The following CMTM8 variants were observed in gnomAD, a reference collection of about 807,000 sequenced individuals.
The protein encoded by CMTM8 is CKLF-like MARVEL transmembrane domain-containing protein 8.
CMTM8 carries 12 observed loss-of-function variants against 18.6 expected under a neutral mutation model. The ratio of observed to expected loss-of-function variants is 0.65; its 90% CI spans 0.41 to 1.05. The LOEUF (loss-of-function observed/expected upper bound fraction) is 1.05. Ranked by LOEUF, CMTM8 falls within the 50% of genes least tolerant of loss-of-function variation. The probability of loss-of-function intolerance (pLI) is 0.00; values close to 1 mark genes in which losing one functional copy is unlikely to be tolerated. For synonymous variants in CMTM8, 87 were observed against 90.6 expected (o/e 0.96, Z 0.23); for missense variants, 217 against 227.2 (o/e 0.95, Z 0.29).
intron 1 of CMTM8, among the ~76,000 whole-genome samples, chr3:32,338,369 C>T (rs1696428786): frequency 6.6e-6 from 1 of 152,136 alleles, no homozygotes; most frequent in African/African-American, 2.4e-5. Flanking sequence ...AGGCATGGGA[C>T]ACCTCCCATT....
intron 1 of CMTM8, among the ~76,000 whole-genome samples, chr3:32,305,821 C>T (rs1695705002): frequency 6.6e-6 from 1 of 152,170 alleles, no homozygotes; most frequent in African/African-American, 2.4e-5. Flanking sequence ...TTAAATATAA[C>T]AGAAATCTTT....
intron 2 of CMTM8, among the ~76,000 whole-genome samples, chr3:32,361,288 T>TTTTTTTTTGTTTTTTG (rs1278506563): frequency 6.8e-6 from 1 of 147,206 alleles, no homozygotes; most frequent in Non-Finnish European, 1.5e-5. Flanking sequence ...GCCTAAGAGT[T>TTTTTTTTTGTTTTTTG]TTTTTTTCTT....
intron 1 of CMTM8, among the ~76,000 whole-genome samples, chr3:32,269,453 G>A (rs1702401680): frequency 6.6e-6 from 1 of 152,218 alleles, no homozygotes; most frequent in Admixed American, 6.5e-5. Flanking sequence ...TCCCTGGGAA[G>A]CTAATGTCAG....
intron 1 of CMTM8, among the ~76,000 whole-genome samples, chr3:32,308,555 G>A (rs1017340681): frequency 6.6e-6 from 1 of 152,082 alleles, no homozygotes; most frequent in Non-Finnish European, 1.5e-5. Flanking sequence ...CTCTATCATC[G>A]TTCATGAGTT....
Position 32,267,349 on chromosome 3 carries a change from GA to G in CMTM8, c.147+28233del, listed in dbSNP as rs1559365616. On this transcript the variant is annotated intron_variant, in intron 1 of 3. Transcript: ENST00000307526. Reference sequence around the variant, plus strand: ...AAACCTGACAAAAACAAGAAATGGGGAAAGGATTCCCTATTTAATAAATGGT... The same window carrying G: ...AAACCTGACAAAAACAAGAAATGGGGAAGGATTCCCTATTTAATAAATGGT... 2.6e-5 allele frequency among the ~76,000 whole-genome samples: 4 copies of G among 152,286 alleles called. No individual in the cohort carries two copies. The East Asian group carries it at 7.7e-4, about 29-fold the overall frequency.
intron 3 of CMTM8, among the ~76,000 whole-genome samples, chr3:32,369,152 T>C (rs1460717684): frequency 8.0e-6 from 1 of 125,498 alleles, no homozygotes; most frequent in Non-Finnish European, 1.7e-5. Flanking sequence ...CTACTAAAAA[T>C]ACAAAAAAAA....
At chr3:32,268,559 G>T (rs939647628) in intron 1 of CMTM8, among the ~76,000 whole-genome samples, 20 of 147,578 alleles carry the variant, frequency 1.4e-4, no homozygotes, top group Admixed American at 4.8e-4. Flanking sequence ...AAACTTGCAC[G>T]TTGTGCACAT....
At chr3:32,282,102 C>G (rs1463374579) in intron 1 of CMTM8, among the ~76,000 whole-genome samples, 1 of 152,198 alleles carries the variant, frequency 6.6e-6, no homozygotes, top group Non-Finnish European at 1.5e-5. Context: ...TATCTGCCCA[C>G]TCACCATCTC....
intron 1 of CMTM8, chr3:32,259,373 G>A: frequency 1.2e-6 from 1 of 822,840 alleles, no homozygotes; most frequent in Non-Finnish European, 2.1e-6. Context: ...AAATACTGTG[G>A]ACAATGCCCG....
intron 1 of CMTM8, among the ~76,000 whole-genome samples, chr3:32,303,638 G>C (rs976684119): frequency 6.6e-6 from 1 of 151,046 alleles, no homozygotes; most frequent in African/African-American, 2.4e-5. Context: ...CCTCCCAACT[G>C]TAATTTTGAA....
At chr3:32,316,096 G>A (rs773563506) in intron 1 of CMTM8, among the ~76,000 whole-genome samples, 2 of 134,114 alleles carry the variant, frequency 1.5e-5, no homozygotes, top group African/African-American at 2.7e-5. Context: ...GCGCGATCTC[G>A]GCTCACTGCA....
chr3:32,303,098 G>T (rs1010952549), intron 1 of CMTM8, among the ~76,000 whole-genome samples: 1 of 152,154 alleles, frequency 6.6e-6, no homozygotes, highest in Non-Finnish European at 1.5e-5. Context: ...TAAATTGAGT[G>T]TCCAAATTGC....
At chr3:32,323,948 A>G (rs1002850882) in intron 1 of CMTM8, among the ~76,000 whole-genome samples, 1 of 152,222 alleles carries the variant, frequency 6.6e-6, no homozygotes, top group Non-Finnish European at 1.5e-5. Flanking sequence ...GATGCAGGCC[A>G]GGGCCAAAAC....
intron 1 of CMTM8, among the ~76,000 whole-genome samples, chr3:32,296,077 G>A (rs945132574): frequency 1.3e-5 from 2 of 152,004 alleles, no homozygotes; most frequent in Admixed American, 6.6e-5. Flanking sequence ...AGTCTGTGTT[G>A]TGTGCCCCTC....
chr3:32,297,398 T>G (rs931960470), intron 1 of CMTM8, among the ~76,000 whole-genome samples: 10 of 152,226 alleles, frequency 6.6e-5, no homozygotes, highest in African/African-American at 2.4e-4. Context: ...CAGGTTGGTC[T>G]CCAACTCCTG....
At chr3:32,327,571 C>T (rs564161956) in intron 1 of CMTM8, among the ~76,000 whole-genome samples, 1 of 152,306 alleles carries the variant, frequency 6.6e-6, no homozygotes, top group Admixed American at 6.5e-5. Flanking sequence ...TTGGATTTTT[C>T]TCAGTTGCAA....
intron 1 of CMTM8, among the ~76,000 whole-genome samples, chr3:32,280,999 G>C (rs552587506): frequency 2.6e-5 from 4 of 152,152 alleles, no homozygotes; most frequent in Non-Finnish European, 4.4e-5. Context: ...AGATCTTCCT[G>C]ACTCTAAATG....
At chr3:32,271,081 C>A (rs993306369) in intron 1 of CMTM8, among the ~76,000 whole-genome samples, 1 of 152,102 alleles carries the variant, frequency 6.6e-6, no homozygotes, top group Admixed American at 6.6e-5. Context: ...TTCAGAGGCC[C>A]CTTGTAGCCT....
chr3:32,340,117 G>A (rs762235723), intron 1 of CMTM8, among the ~76,000 whole-genome samples: 32 of 152,274 alleles, frequency 2.1e-4, no homozygotes, highest in Non-Finnish European at 3.2e-4. Flanking sequence ...TCCAGGCAAC[G>A]TCTGGTACTA....
Sources: allele counts gnomAD v4.1 joint callset (sites outside exome capture counted in the v4.1 genomes callset), GRCh38; gene constraint gnomAD v4.1.1; transcripts MANE v1.5; gene names NCBI Gene and HGNC (gene_info 2026-07-23, HGNC 2026-07-21).